The following SLC35F3 variants were observed in gnomAD, a reference collection of about 807,000 sequenced individuals.
SLC35F3 encodes putative thiamine transporter SLC35F3.
SLC35F3 carries 25 observed loss-of-function variants against 49.9 expected under a neutral mutation model. That is an observed-to-expected ratio of 0.50 (90% CI 0.37 to 0.70). The LOEUF (loss-of-function observed/expected upper bound fraction) is 0.70, where lower values mean the gene tolerates loss of function less well. Among genes scored for constraint, SLC35F3 ranks in the 30% least tolerant of loss-of-function variants. The probability of loss-of-function intolerance (pLI) is 0.00; values close to 1 mark genes in which losing one functional copy is unlikely to be tolerated. For missense variants in SLC35F3, 525 were observed against 639.8 expected, an observed-to-expected ratio of 0.82 and a Z score of 1.94; for synonymous variants, 275 against 265.4, an observed-to-expected ratio of 1.04 and a Z score of -0.35.
chr1:234,312,857 TTTTG>T (rs140884492), intron 4 of SLC35F3, among the ~76,000 whole-genome samples: 60,068 of 150,662 alleles, frequency 0.4, 13,121 homozygotes, highest in East Asian at 0.73. Flanking sequence ...TTTTAGGTTT[TTTTG>T]TTTGTTTGTT....
chr1:234,292,669 G>C (rs755610471), intron 3 of SLC35F3, among the ~76,000 whole-genome samples: 2 of 152,168 alleles, frequency 1.3e-5, no homozygotes, highest in Non-Finnish European at 2.9e-5. Flanking sequence ...GCTCATACTA[G>C]GGTGGTTTTA....
chr1:234,109,434 C>T (rs2102887036), intron 2 of SLC35F3, among the ~76,000 whole-genome samples: 1 of 152,288 alleles, frequency 6.6e-6, no homozygotes, highest in East Asian at 1.9e-4. Context: ...AAGCCATAGG[C>T]AGCTCATCTC....
intron 2 of SLC35F3, among the ~76,000 whole-genome samples, chr1:234,099,976 A>G (rs1665189918): frequency 6.6e-6 from 1 of 152,208 alleles, no homozygotes; most frequent in African/African-American, 2.4e-5. Flanking sequence ...TTAAATAACA[A>G]TTGCTTTATA....
chr1:234,068,823 T>TTATATATA (rs10645395), intron 2 of SLC35F3, among the ~76,000 whole-genome samples: 4,616 of 71,048 alleles, frequency 0.065, 875 homozygotes, highest in South Asian at 0.079. Context: ...ATTTGAGACA[T>TTATATATA]TATATATATA....
intron 3 of SLC35F3, among the ~76,000 whole-genome samples, chr1:234,303,607 A>G (rs962544573): frequency 7.2e-5 from 11 of 152,272 alleles, no homozygotes; most frequent in Admixed American, 2.0e-4. Flanking sequence ...TTGATAATTG[A>G]TTGGTGATAG....
At chr1:234,161,082 T>C (rs1481438195) in intron 2 of SLC35F3, among the ~76,000 whole-genome samples, 3 of 152,212 alleles carry the variant, frequency 2.0e-5, no homozygotes, top group Admixed American at 6.5e-5. Flanking sequence ...AGTGTCACCC[T>C]GCTCTCAGCA....
intron 2 of SLC35F3, among the ~76,000 whole-genome samples, chr1:234,113,573 G>A (rs1364650833): frequency 6.6e-6 from 1 of 152,020 alleles, no homozygotes; most frequent in Non-Finnish European, 1.5e-5. Flanking sequence ...TAAGATTTCG[G>A]TGACATGTAG....
At chr1:234,222,175 A>T (rs976582) in intron 2 of SLC35F3, among the ~76,000 whole-genome samples, 27,151 of 152,218 alleles carry the variant, frequency 0.18, 3,988 homozygotes, top group East Asian at 0.8. Context: ...TACAGAAAGA[A>T]GCCAAAGAGA....
At chr1:234,289,166 T>A (rs751751460) in intron 3 of SLC35F3, among the ~76,000 whole-genome samples, 10 of 152,186 alleles carry the variant, frequency 6.6e-5, no homozygotes, top group Non-Finnish European at 1.3e-4. Context: ...ATCACCCCCC[T>A]GGGGTCCTGG....
chr1:234,105,958 T>C (rs1665278670), intron 2 of SLC35F3, among the ~76,000 whole-genome samples: 1 of 152,178 alleles, frequency 6.6e-6, no homozygotes, highest in African/African-American at 2.4e-5. Context: ...CAGTTAGAGA[T>C]GTTCTATTAT....
rs529093049 is a variant in SLC35F3 at position 234,193,800 on chromosome 1, T to C, written c.284-37617T>C. Among the ~76,000 whole-genome samples, 126 of 152,228 alleles carry C rather than the reference T, an allele frequency of 8.3e-4. 3 individuals are homozygous for C. Among genetic ancestry groups the C allele is most frequent in the Non-Finnish European group, 9.6e-4 (65 of 68,002 alleles). On this transcript the variant is annotated intron_variant, in intron 2 of 7. Transcript: ENST00000366618. ...GTGGGGTAAGGACATGAATAGACAG[T>C]TCTCAAAAGAAGATATACAAATGGC...
At chr1:234,297,427 T>G (rs1266960007) in intron 3 of SLC35F3, among the ~76,000 whole-genome samples, 1 of 152,188 alleles carries the variant, frequency 6.6e-6, no homozygotes, top group Non-Finnish European at 1.5e-5. Flanking sequence ...AAGTGTGGTA[T>G]GTATACAACA....
At chr1:234,121,739 G>T (rs901310566) in intron 2 of SLC35F3, among the ~76,000 whole-genome samples, 1 of 152,046 alleles carries the variant, frequency 6.6e-6, no homozygotes, top group Non-Finnish European at 1.5e-5. Flanking sequence ...ACAGGCCCCG[G>T]TGTGTGATGT....
At chr1:234,043,013 T>TA (rs747096395) in intron 2 of SLC35F3, among the ~76,000 whole-genome samples, 1 of 152,242 alleles carries the variant, frequency 6.6e-6, no homozygotes, top group Non-Finnish European at 1.5e-5. Context: ...TATTATGAAC[T>TA]AAATACATTA....
intron 2 of SLC35F3, among the ~76,000 whole-genome samples, chr1:234,049,626 T>TTTTG (rs551405649): frequency 8.6e-4 from 131 of 152,192 alleles, no homozygotes; most frequent in African/African-American, 2.6e-3. Context: ...ATTTTGTATT[T>TTTTG]TTTGTTTGTT....
chr1:234,258,167 G>A (rs772466413), intron 3 of SLC35F3, among the ~76,000 whole-genome samples: 50 of 152,282 alleles, frequency 3.3e-4, no homozygotes, highest in Non-Finnish European at 6.2e-4. Flanking sequence ...ATAGTTTGGT[G>A]GGCAAGGGTT....
chr1:233,973,024 T>C (rs939866541), intron 2 of SLC35F3, among the ~76,000 whole-genome samples: 3 of 152,184 alleles, frequency 2.0e-5, no homozygotes, highest in African/African-American at 7.2e-5. Context: ...TGTGTCCTCA[T>C]CTGACCACAC....
intron 2 of SLC35F3, among the ~76,000 whole-genome samples, chr1:233,924,330 T>C (rs1257266939): frequency 5.3e-5 from 8 of 152,260 alleles, no homozygotes; most frequent in Non-Finnish European, 1.2e-4. Flanking sequence ...GAGCCTGTTA[T>C]TGGTCTATTC....
At chr1:233,932,342 T>A (rs1457479240) in intron 2 of SLC35F3, among the ~76,000 whole-genome samples, 1 of 152,092 alleles carries the variant, frequency 6.6e-6, no homozygotes, top group Admixed American at 6.6e-5. Context: ...GGCAGAGGCA[T>A]AAACAAATCT....
Sources: gnomAD v4.1 joint callset for allele counts (sites outside exome capture counted in the v4.1 genomes callset) on GRCh38, gnomAD v4.1.1 for gene constraint, MANE v1.5 for transcripts, NCBI Gene and HGNC (gene_info 2026-07-23, HGNC 2026-07-21) for gene names.